Variants in BBS9 observed in about 807,000 individuals in gnomAD.
The protein encoded by BBS9 is protein PTHB1.
A neutral mutation model predicts 117.7 loss-of-function variants in BBS9; 89 were observed. That is an observed-to-expected ratio of 0.76 (90% CI 0.64 to 0.90). The LOEUF (loss-of-function observed/expected upper bound fraction) is 0.90. BBS9 is among the 40% of genes least tolerant of loss of function. The pLI, the probability that BBS9 is intolerant of heterozygous loss-of-function variation, is 0.00. For synonymous variants in BBS9, 379 were observed against 370.9 expected (o/e 1.02, Z -0.25); for missense variants, 982 against 1,042.2 (o/e 0.94, Z 0.80).
intron 19 of BBS9, among the ~76,000 whole-genome samples, chr7:33,485,541 C>G (rs1842998935): frequency 6.6e-6 from 1 of 152,044 alleles, no homozygotes; most frequent in Non-Finnish European, 1.5e-5. Context: ...GATCTCCTGA[C>G]CTCGTGATCC....
intron 19 of BBS9, among the ~76,000 whole-genome samples, chr7:33,504,517 T>G (rs1287494458): frequency 6.6e-6 from 1 of 152,184 alleles, no homozygotes; most frequent in East Asian, 1.9e-4. Context: ...ACCAGACTTC[T>G]GAAACTCATC....
intron 5 of BBS9, among the ~76,000 whole-genome samples, chr7:33,184,638 C>T (rs550966010): frequency 2.0e-5 from 3 of 152,260 alleles, no homozygotes; most frequent in African/African-American, 4.8e-5. Flanking sequence ...TAACCATAGT[C>T]GGCCAATGGG....
chr7:33,233,092 AG>A, intron 5 of BBS9, among the ~76,000 whole-genome samples: 1 of 152,268 alleles, frequency 6.6e-6, no homozygotes, highest in East Asian at 1.9e-4. Flanking sequence ...TATCTATTGA[AG>A]AAATAGGGGG....
intron 19 of BBS9, among the ~76,000 whole-genome samples, chr7:33,432,089 CTTT>C (rs775827412): frequency 7.0e-6 from 1 of 142,644 alleles, no homozygotes. Flanking sequence ...TTCTTTCTTT[CTTT>C]TTTTTTTTTT....
chr7:33,278,559 T>C (rs1801214578), intron 9 of BBS9, among the ~76,000 whole-genome samples: 1 of 152,156 alleles, frequency 6.6e-6, no homozygotes, highest in African/African-American at 2.4e-5. Flanking sequence ...GAACAGCTGT[T>C]TCCCATATCA....
intron 21 of BBS9, among the ~76,000 whole-genome samples, chr7:33,548,154 C>T (rs1364494055): frequency 6.6e-6 from 1 of 152,086 alleles, no homozygotes; most frequent in Non-Finnish European, 1.5e-5. Context: ...TGAGTAATTT[C>T]CTTCTTAGCA....
At chr7:33,358,997 C>T (rs1000521661) in intron 16 of BBS9, among the ~76,000 whole-genome samples, 2 of 151,694 alleles carry the variant, frequency 1.3e-5, no homozygotes, top group Non-Finnish European at 1.5e-5. Flanking sequence ...TTATTCTATT[C>T]TTAAGTGTGA....
intron 21 of BBS9, among the ~76,000 whole-genome samples, chr7:33,588,932 C>T (rs1044184323): frequency 1.3e-5 from 2 of 152,066 alleles, no homozygotes; most frequent in African/African-American, 4.8e-5. Context: ...TCATGTGCAG[C>T]CTTTGTGCAG....
intron 9 of BBS9, among the ~76,000 whole-genome samples, chr7:33,325,221 C>G (rs980666609): frequency 1.4e-4 from 21 of 152,166 alleles, no homozygotes; most frequent in Admixed American, 1.4e-3. Flanking sequence ...AGCCTGTCTT[C>G]AAGCTTACTA....
intron 19 of BBS9, among the ~76,000 whole-genome samples, chr7:33,455,674 AC>A (rs1282080430): frequency 6.6e-6 from 1 of 152,120 alleles, no homozygotes; most frequent in Non-Finnish European, 1.5e-5. Flanking sequence ...TGGTGAAAAC[AC>A]CCCCATGTGG....
In BBS9 at chr7:33,257,424, T is replaced by G; in HGVS notation, c.617+14T>G. 1 of 1,612,842 alleles carries G rather than the reference T, an allele frequency of 6.2e-7. No homozygotes were observed. Among genetic ancestry groups the G allele is most frequent in the Admixed American group, 1.7e-5 (1 of 60,018 alleles). ...GGAAAGTTATAAGTAAGTTTGGATG[T>G]TAAGTCTTCAGAATCATGATTTTTT... On this transcript the variant is annotated intron_variant, in intron 6 of 22. Transcript: ENST00000242067.
chr7:33,452,418 A>G (rs1838019540), intron 19 of BBS9, among the ~76,000 whole-genome samples: 1 of 152,108 alleles, frequency 6.6e-6, no homozygotes, highest in Non-Finnish European at 1.5e-5. Context: ...AATAGTCAAA[A>G]CAATGTTCAC....
At chr7:33,407,176 C>T (rs577430173) in intron 19 of BBS9, among the ~76,000 whole-genome samples, 79 of 152,276 alleles carry the variant, frequency 5.2e-4, no homozygotes, top group African/African-American at 1.8e-3. Context: ...CGCTTCATTT[C>T]GTTCATTTCA....
Position 33,276,947 on chromosome 7 carries a change from G to T in BBS9, c.1016+2991G>T, listed in dbSNP as rs1800885008. The T allele has an allele frequency of 2.4e-5, 5 of 208,564 alleles. No homozygotes were observed. The South Asian group carries it at 4.6e-4, about 19-fold the overall frequency. 12.9% of individuals were successfully genotyped at this position (208,564 alleles called of 1,614,324 possible). Reference sequence around the variant, plus strand: ...CACAAGAGGGTGGAAGAGCCAGGCAGATCTAAGCTGATGTCCCAGAAGGGG... The same window carrying T: ...CACAAGAGGGTGGAAGAGCCAGGCATATCTAAGCTGATGTCCCAGAAGGGG... On this transcript the variant is annotated intron_variant, in intron 9 of 22. Transcript: ENST00000242067.
intron 21 of BBS9, among the ~76,000 whole-genome samples, chr7:33,630,481 A>G (rs190006710): frequency 5.0e-4 from 76 of 152,278 alleles, no homozygotes; most frequent in African/African-American, 1.7e-3. Context: ...TTGGATTACT[A>G]AACCACAATG....
chr7:33,303,921 G>T (rs1447300194), intron 9 of BBS9, among the ~76,000 whole-genome samples: 2 of 152,104 alleles, frequency 1.3e-5, no homozygotes, highest in African/African-American at 4.8e-5. Flanking sequence ...CCTCTGCCTG[G>T]CCGCCACCCT....
intron 21 of BBS9, among the ~76,000 whole-genome samples, chr7:33,575,750 A>G (rs758222758): frequency 2.2e-4 from 34 of 152,328 alleles, no homozygotes; most frequent in Middle Eastern, 6.8e-3. Flanking sequence ...GGCTGGTTCA[A>G]CATACACAAA....
intron 9 of BBS9, among the ~76,000 whole-genome samples, chr7:33,318,931 A>T (rs1415179138): frequency 6.6e-6 from 1 of 152,086 alleles, no homozygotes; most frequent in African/African-American, 2.4e-5. Context: ...TTGGGAGGCC[A>T]GTGTGGGCGG....
chr7:33,351,045 TG>T (rs1406932895), intron 13 of BBS9, among the ~76,000 whole-genome samples, 173 bp from the exon 14 acceptor site: 1 of 152,206 alleles, frequency 6.6e-6, no homozygotes, highest in African/African-American at 2.4e-5. Flanking sequence ...TCATAATAAA[TG>T]AGGACAATAA....
Sources: allele counts gnomAD v4.1 joint callset (sites outside exome capture counted in the v4.1 genomes callset), GRCh38; gene constraint gnomAD v4.1.1; transcripts MANE v1.5; gene names NCBI Gene and HGNC (gene_info 2026-07-23, HGNC 2026-07-21).